Variants in AOX1 observed in about 807,000 individuals in gnomAD.
AOX1 encodes aldehyde oxidase 1.
Under a neutral mutation model 169.5 loss-of-function variants are expected in AOX1, and 153 were observed. That is an observed-to-expected ratio of 0.90 (90% CI 0.79 to 1.03). AOX1 has a LOEUF of 1.03. AOX1 is among the 50% of genes least tolerant of loss of function. AOX1 has a pLI of 0.00. For missense variants in AOX1, 1,656 were observed against 1,663.9 expected (o/e 1.00, Z 0.08); for synonymous variants, 562 against 581.9 (o/e 0.97, Z 0.49).
chr2:200,638,232 G>A lies in AOX1; in HGVS notation c.2498G>A (p.Arg833His), dbSNP rs769159903. ...FAANKHGRAV[R>H]CVLERGEDML... ...TGTTTTAGACATGGCCGTGCAGTTCGCTGTGTTCTGGAACGAGGAGAAGAC... is the reference window on the plus strand; with the variant it reads ...TGTTTTAGACATGGCCGTGCAGTTCACTGTGTTCTGGAACGAGGAGAAGAC... The change falls in exon 23 of 35, where the codon CGC becomes CAC. Residue 833 changes from arginine to histidine, a missense_variant. Coordinates refer to ENST00000374700, the MANE Select transcript of AOX1 (RefSeq NM_001159.4). The A allele has an allele frequency of 2.1e-5, 34 of 1,613,422 alleles. No homozygotes were observed. The highest frequency in any genetic ancestry group is 2.0e-4 in the South Asian group (18 of 91,068).
chr2:200,654,152 G>A lies in AOX1; in HGVS notation c.3076-2690G>A, dbSNP rs557072723. Among the ~76,000 whole-genome samples, 11 of 142,160 alleles carry A rather than the reference G, an allele frequency of 7.7e-5. No homozygotes were observed. The East Asian group carries it at 2.4e-3, about 31-fold the overall frequency. The allele number at this position is 142,160 out of a possible 152,430, so 93.3% of individuals were successfully genotyped here. On this transcript the variant is annotated intron_variant, in intron 26 of 34. Coordinates refer to ENST00000374700, the MANE Select transcript of AOX1 (RefSeq NM_001159.4). ...GAAATCAAATGCTAGAAATGATTAAGCTTAGTAAGGAAGGCACTGCACTCC... is the reference window on the plus strand; with the variant it reads ...GAAATCAAATGCTAGAAATGATTAAACTTAGTAAGGAAGGCACTGCACTCC...
At chr2:200,633,352 T>C (rs887962650) in intron 20 of AOX1, among the ~76,000 whole-genome samples, 1 of 152,168 alleles carries the variant, frequency 6.6e-6, no homozygotes, top group African/African-American at 2.4e-5. Flanking sequence ...TCTTTTGTTA[T>C]AGCCAATGGG....
chr2:200,657,190 A>ATATATATATATAT, intron 27 of AOX1, among the ~76,000 whole-genome samples: 14 of 62,868 alleles, frequency 2.2e-4, no homozygotes, highest in East Asian at 1.8e-3. Flanking sequence ...ATATATATAT[A>ATATATATATATAT]TTTTTTTTTT....
rs367779647 is a variant in AOX1, at chr2:200,609,129, C to T, written c.1053C>T (p.Asn351=). 12 of 1,613,862 alleles carry T rather than the reference C, an allele frequency of 7.4e-6. No homozygotes were observed. Among genetic ancestry groups the T allele is most frequent in the Non-Finnish European group, 9.3e-6 (11 of 1,179,960 alleles). ...CTCTGGCTGGGTCCCAGATCAGGAA[C>T]ATGGCTGTATGTATCTGATGACAGT... ...LGTLAGSQIR[N]MASLGGHIIS... is the part of the protein sequence containing the mutation. Residue 351 remains asparagine, a synonymous_variant, in exon 11 of 35, where the codon AAC becomes AAT. Coordinates refer to ENST00000374700, the MANE Select transcript of AOX1 (RefSeq NM_001159.4).
intron 26 of AOX1, 108 bp from the exon 27 acceptor site, chr2:200,656,734 G>T (rs975107816): frequency 2.7e-6 from 2 of 750,840 alleles, no homozygotes; most frequent in South Asian, 3.0e-5. Context: ...CACCCTGGGG[G>T]GTGCGGGATT....
intron 13 of AOX1, among the ~76,000 whole-genome samples, chr2:200,612,287 G>A (rs2034656019): frequency 1.3e-5 from 2 of 152,080 alleles, no homozygotes; most frequent in Non-Finnish European, 2.9e-5. Context: ...TGTAAAATGG[G>A]AATAATCAAG....
intron 16 of AOX1, 104 bp from the exon 17 acceptor site, chr2:200,620,546 G>C (rs555322929): frequency 9.9e-5 from 107 of 1,078,940 alleles, no homozygotes; most frequent in Non-Finnish European, 1.3e-4. Context: ...ATTCTGGTTT[G>C]AGTCTAAATT....
intron 29 of AOX1, 25 bp from the exon 30 acceptor site, chr2:200,661,554 A>G: frequency 1.9e-6 from 3 of 1,600,838 alleles, no homozygotes; most frequent in Non-Finnish European, 2.6e-6. Context: ...TCCTTGTTGC[A>G]TCATGCTATG....
chr2:200,645,573 G>A (rs139816440), intron 25 of AOX1, among the ~76,000 whole-genome samples: 180 of 152,164 alleles, frequency 1.2e-3, no homozygotes, highest in Middle Eastern at 6.8e-3. Context: ...TTAGGGTGAT[G>A]CTGGCTTCAT....
chr2:200,674,825 C>G (rs2036074391), downstream of AOX1, among the ~76,000 whole-genome samples: 1 of 152,224 alleles, frequency 6.6e-6, no homozygotes, highest in Non-Finnish European at 1.5e-5. Flanking sequence ...ACACTGAACC[C>G]TTTCCATTCG....
intron 25 of AOX1, among the ~76,000 whole-genome samples, chr2:200,647,388 T>C (rs2035477302): frequency 6.6e-6 from 1 of 152,358 alleles, no homozygotes; most frequent in South Asian, 2.1e-4. Context: ...TGATAATTGT[T>C]TTGTTTGAGG....
chr2:200,622,827 G>A (rs1302275866), intron 18 of AOX1, among the ~76,000 whole-genome samples: 1 of 152,094 alleles, frequency 6.6e-6, no homozygotes, highest in Non-Finnish European at 1.5e-5. Context: ...GCACTTAATG[G>A]CTTTTAAAAG....
At chr2:200,625,445 C>T (rs1003624996) in intron 19 of AOX1, among the ~76,000 whole-genome samples, 1 of 152,200 alleles carries the variant, frequency 6.6e-6, no homozygotes, top group Non-Finnish European at 1.5e-5. Flanking sequence ...CTCACCACTT[C>T]AACCAGCAGA....
intron 25 of AOX1, among the ~76,000 whole-genome samples, chr2:200,650,169 G>C (rs13404701): frequency 6.6e-6 from 1 of 152,114 alleles, no homozygotes; most frequent in African/African-American, 2.4e-5. Context: ...GCCACATTTG[G>C]TAGCACTAAG....
At chr2:200,677,341 A>G (rs781336659), downstream of AOX1, among the ~76,000 whole-genome samples, 2 of 152,196 alleles carry the variant, frequency 1.3e-5, no homozygotes, top group Non-Finnish European at 2.9e-5. Context: ...TGATAACTTC[A>G]GACCACATTT....
At chr2:200,626,638 C>T (rs553977721) in intron 19 of AOX1, among the ~76,000 whole-genome samples, 29 of 152,330 alleles carry the variant, frequency 1.9e-4, no homozygotes, top group African/African-American at 7.0e-4. Context: ...GTACACCCAG[C>T]TCCCAGACAG....
chr2:200,638,190 C>T (rs751617702), intron 22 of AOX1, 25 bp from the exon 23 acceptor site: 3 of 1,610,300 alleles, frequency 1.9e-6, no homozygotes, highest in Middle Eastern at 1.7e-4. Flanking sequence ...AAGAGGTTAC[C>T]TCACTTACTT....
chr2:200,662,029 C>T (rs1053632602), intron 30 of AOX1, among the ~76,000 whole-genome samples: 1 of 152,150 alleles, frequency 6.6e-6, no homozygotes, highest in South Asian at 2.1e-4. Context: ...TTTACACCTT[C>T]AGGATTGGCA....
At chr2:200,597,296 A>G in intron 3 of AOX1, 101 bp from the exon 4 acceptor site, 1 of 752,534 alleles carries the variant, frequency 1.3e-6, no homozygotes, top group Non-Finnish European at 2.1e-6. Context: ...GGTACATTAT[A>G]CAAAAACCTG....
Sources: gnomAD v4.1 joint callset for allele counts (sites outside exome capture counted in the v4.1 genomes callset) on GRCh38, gnomAD v4.1.1 for gene constraint, MANE v1.5 for transcripts, NCBI Gene and HGNC (gene_info 2026-07-23, HGNC 2026-07-21) for gene names.